CEP83: variants seen among roughly 807,000 people sequenced by gnomAD.
CEP83 encodes centrosomal protein 83.
A neutral mutation model predicts 101.9 loss-of-function variants in CEP83; 70 were observed. The observed-to-expected ratio is 0.69, with a 90% CI of 0.57 to 0.84. CEP83 has a LOEUF of 0.84. Among genes scored for constraint, CEP83 ranks in the 40% least tolerant of loss-of-function variants. The pLI, the probability that CEP83 is intolerant of heterozygous loss-of-function variation, is 0.00. For missense variants in CEP83, 715 were observed against 787.2 expected, an observed-to-expected ratio of 0.91 and a Z score of 1.10; for synonymous variants, 264 against 267.9, an observed-to-expected ratio of 0.99 and a Z score of 0.14.
intron 6 of CEP83, among the ~76,000 whole-genome samples, chr12:94,390,708 G>A (rs867641785): frequency 5.9e-5 from 9 of 152,156 alleles, no homozygotes; most frequent in Non-Finnish European, 1.0e-4. Flanking sequence ...CGAACCCATC[G>A]CAAGGAAGCT....
chr12:94,447,038 A>C (rs962796313), intron 1 of CEP83, among the ~76,000 whole-genome samples: 12 of 152,238 alleles, frequency 7.9e-5, no homozygotes, highest in African/African-American at 2.9e-4. Flanking sequence ...ATTTTTTTAA[A>C]GAAACACAAA....
intron 11 of CEP83, among the ~76,000 whole-genome samples, chr12:94,367,553 G>A (rs1191774060): frequency 6.6e-6 from 1 of 152,116 alleles, no homozygotes; most frequent in Non-Finnish European, 1.5e-5. Context: ...AAAGACATCA[G>A]TGGGACAACT....
intron 11 of CEP83, among the ~76,000 whole-genome samples, chr12:94,353,398 T>G (rs998869361): frequency 1.3e-5 from 2 of 152,044 alleles, no homozygotes; most frequent in African/African-American, 4.8e-5. Flanking sequence ...CATGAAAACA[T>G]GCTAGTATAA....
the CEP83 span, among the ~76,000 whole-genome samples, chr12:94,278,997 C>CA: frequency 0.2 from 30,016 of 149,214 alleles, 3,040 homozygotes; most frequent in Admixed American, 0.25. Context: ...GACTCCATCT[C>CA]AAAAAAAAAA....
At chr12:94,323,227 G>A (rs2058824518) in intron 14 of CEP83, among the ~76,000 whole-genome samples, 1 of 152,194 alleles carries the variant, frequency 6.6e-6, no homozygotes, top group Middle Eastern at 3.4e-3. Context: ...GTCCTGCTTG[G>A]CTGGAGTTGC....
At chr12:94,376,117 TTC>T in intron 7 of CEP83, 100 bp from the exon 8 acceptor site, 2 of 740,070 alleles carry the variant, frequency 2.7e-6, no homozygotes, top group Non-Finnish European at 3.8e-6. Context: ...ACTAAAATTA[TTC>T]AAAACCTCAA....
chr12:94,406,934 A>AC (rs1210574973), intron 4 of CEP83, among the ~76,000 whole-genome samples: 1 of 151,716 alleles, frequency 6.6e-6, no homozygotes, highest in African/African-American at 2.4e-5. Flanking sequence ...CTCAAAACAA[A>AC]AAAAAAAAAA....
chr12:94,278,130 C>G, the CEP83 span: 1 of 408,334 alleles, frequency 2.4e-6, no homozygotes, highest in South Asian at 1.7e-5. Flanking sequence ...CTGTTAGACT[C>G]TCCGCTCCTT....
At chr12:94,445,482 G>A (rs1269303905) in intron 1 of CEP83, among the ~76,000 whole-genome samples, 1 of 151,992 alleles carries the variant, frequency 6.6e-6, no homozygotes, top group Non-Finnish European at 1.5e-5. Flanking sequence ...CTGACAAACT[G>A]GATTTCATCA....
intron 2 of CEP83, among the ~76,000 whole-genome samples, chr12:94,416,104 A>T (rs1376183039): frequency 5.9e-5 from 9 of 152,232 alleles, no homozygotes; most frequent in Admixed American, 5.9e-4. Flanking sequence ...TAACTTATGA[A>T]TCAAAGAAAA....
intron 2 of CEP83, among the ~76,000 whole-genome samples, chr12:94,433,695 A>T (rs977731927): frequency 4.6e-5 from 7 of 151,528 alleles, no homozygotes; most frequent in Non-Finnish European, 7.4e-5. Context: ...AAAAAAAAAG[A>T]AAAGAAAAGA....
intron 2 of CEP83, among the ~76,000 whole-genome samples, chr12:94,430,811 G>A (rs953221680): frequency 3.9e-5 from 6 of 152,142 alleles, no homozygotes; most frequent in South Asian, 2.1e-4. Flanking sequence ...CACAAAGCAC[G>A]TTATAGTCAA....
At chr12:94,442,238 G>C (rs986887202) in intron 1 of CEP83, among the ~76,000 whole-genome samples, 1 of 152,152 alleles carries the variant, frequency 6.6e-6, no homozygotes, top group African/African-American at 2.4e-5. Context: ...GATGGAATTG[G>C]AGGCCATTAT....
chr12:94,401,088 C>T (rs903723579), intron 5 of CEP83, 107 bp from the exon 6 acceptor site: 4 of 543,046 alleles, frequency 7.4e-6, no homozygotes, highest in Non-Finnish European at 1.1e-5. Flanking sequence ...GATAGCCACT[C>T]TAAAAGTAAA....
At chr12:94,390,097 G>C (rs1002686845) in intron 6 of CEP83, among the ~76,000 whole-genome samples, 1 of 152,232 alleles carries the variant, frequency 6.6e-6, no homozygotes, top group African/African-American at 2.4e-5. Flanking sequence ...CTGTCTGACA[G>C]CTCTGAAGAG....
chr12:94,282,161 C>CGT, the CEP83 span: 1 of 622,590 alleles, frequency 1.6e-6, no homozygotes, highest in Non-Finnish European at 2.9e-6. Flanking sequence ...TTCAGGCTAC[C>CGT]AGTCTGGCTG....
At chr12:94,318,442 T>A (rs1426054650) in intron 14 of CEP83, among the ~76,000 whole-genome samples, 1 of 152,132 alleles carries the variant, frequency 6.6e-6, no homozygotes, top group Non-Finnish European at 1.5e-5. Context: ...CCAGGACTTT[T>A]AATACTATGT....
At chr12:94,335,706 T>C in intron 11 of CEP83, 42 bp from the exon 12 acceptor site, 3 of 1,286,430 alleles carry the variant, frequency 2.3e-6, no homozygotes, top group Non-Finnish European at 2.2e-6. Context: ...TAAGAATCCA[T>C]GATTCATTTA....
At chr12:94,403,307 C>A in intron 4 of CEP83, 45 bp from the exon 5 acceptor site, 1 of 862,350 alleles carries the variant, frequency 1.2e-6, no homozygotes, top group South Asian at 1.5e-5. Flanking sequence ...ACATTAAAAT[C>A]AAGAATTCTC....
Sources: allele counts gnomAD v4.1 joint callset (sites outside exome capture counted in the v4.1 genomes callset), GRCh38; gene constraint gnomAD v4.1.1; transcripts MANE v1.5; gene names NCBI Gene and HGNC (gene_info 2026-07-23, HGNC 2026-07-21).